The following USP46 variants were observed in gnomAD, a reference collection of about 807,000 sequenced individuals.
USP46 encodes the protein ubiquitin specific peptidase 46.
In USP46, 12 loss-of-function variants were observed where a neutral mutation model predicts 44.4. That is an observed-to-expected ratio of 0.27 (90% CI 0.17 to 0.44). The LOEUF is 0.44. Ranked by LOEUF, USP46 falls within the 20% of genes least tolerant of loss-of-function variation. The pLI is 1.00. For missense variants in USP46, 248 were observed against 444.8 expected, an observed-to-expected ratio of 0.56 and a Z score of 3.98; for synonymous variants, 155 against 161.5, an observed-to-expected ratio of 0.96 and a Z score of 0.31.
intron 1 of USP46, among the ~76,000 whole-genome samples, chr4:52,643,543 T>C (rs1020580421): frequency 3.3e-5 from 5 of 152,210 alleles, no homozygotes; most frequent in Non-Finnish European, 7.3e-5. Flanking sequence ...ACAGAAAAGC[T>C]TACCAACCCC....
Position 52,626,086 on chromosome 4 carries a change from G to C in USP46, c.493C>G (p.Leu165Val), listed in dbSNP as rs1382649056. Residue 165 changes from leucine to valine, a missense_variant, in exon 4 of 9, where the codon CTC becomes GTC. Transcript: ENST00000441222. ...TGAAAAATCTCATGGACCCAGGTGA[G>C]TTCTGGTTTATTATTTTCCGCAGGT... ...NEPAENNKPE[L>V]TWVHEIFQGT... The C allele has an allele frequency of 1.9e-6, 3 of 1,613,914 alleles. No homozygotes were observed. The highest frequency in any genetic ancestry group is 1.7e-6 in the Non-Finnish European group (2 of 1,179,868).
At chr4:52,634,974 A>G (rs1259368090) in intron 1 of USP46, among the ~76,000 whole-genome samples, 2 of 151,244 alleles carry the variant, frequency 1.3e-5, no homozygotes, top group African/African-American at 4.9e-5. Flanking sequence ...CACTTCAGCT[A>G]CCCCTCCCAT....
At chr4:52,600,063 T>C (rs1268700097) in intron 7 of USP46, among the ~76,000 whole-genome samples, 1 of 152,218 alleles carries the variant, frequency 6.6e-6, no homozygotes, top group East Asian at 1.9e-4. Flanking sequence ...CTGATAGCAC[T>C]GATCAAAATC....
At chr4:52,632,980 G>GAAAGAGAAAGA (rs1717940599) in intron 1 of USP46, among the ~76,000 whole-genome samples, 1 of 71,434 alleles carries the variant, frequency 1.4e-5, no homozygotes, top group Non-Finnish European at 2.7e-5. Context: ...AAGAAAGAAA[G>GAAAGAGAAAGA]AAAGAAAAGA....
chr4:52,602,280 T>C (rs1043812621), intron 6 of USP46, among the ~76,000 whole-genome samples: 1 of 152,220 alleles, frequency 6.6e-6, no homozygotes, highest in Non-Finnish European at 1.5e-5. Flanking sequence ...TGTCTGTTTG[T>C]TGGAAGGAGA....
intron 5 of USP46, among the ~76,000 whole-genome samples, chr4:52,605,152 A>C (rs1716638718): frequency 6.6e-6 from 1 of 152,218 alleles, no homozygotes; most frequent in Non-Finnish European, 1.5e-5. Flanking sequence ...CTCTTAGTGA[A>C]CTAAAGAAAT....
chr4:52,620,357 C>T (rs1208697598), intron 4 of USP46, among the ~76,000 whole-genome samples: 1 of 152,130 alleles, frequency 6.6e-6, no homozygotes, highest in African/African-American at 2.4e-5. Context: ...GGAACTGAAG[C>T]CCCCTTGTTC....
chr4:52,591,938 T>G lies in USP46; in HGVS notation c.*5702A>C, dbSNP rs951731059. 1 of 152,202 alleles carries G rather than the reference T, an allele frequency of 6.6e-6. No homozygotes were observed. The highest frequency in any genetic ancestry group is 2.4e-5 in the African/African-American group (1 of 41,456). The allele number at this position is 152,202 out of a possible 1,614,324, so 9.4% of individuals were successfully genotyped here. On this transcript the variant is annotated 3_prime_UTR_variant, in exon 9 of 9. Coordinates refer to ENST00000441222, the MANE Select transcript of USP46 (RefSeq NM_022832.4). ...AGAAGAGGCAAAACGTGAAGTTCAT[T>G]GTTGCAACATAATCGATTTATACTT...
chr4:52,632,904 GAGA>G (rs1717894820), intron 1 of USP46, among the ~76,000 whole-genome samples: 1 of 86,884 alleles, frequency 1.2e-5, no homozygotes, highest in African/African-American at 4.2e-5. Flanking sequence ...GGAAGGGAAA[GAGA>G]AAGAAAGAAA....
intron 4 of USP46, among the ~76,000 whole-genome samples, chr4:52,622,960 T>C (rs1717435141): frequency 6.6e-6 from 1 of 152,212 alleles, no homozygotes; most frequent in African/African-American, 2.4e-5. Flanking sequence ...TAAGAATTTG[T>C]AGGCAGTGGT....
chr4:52,653,495 C>CAAAAAAAA (rs397880678), intron 1 of USP46, among the ~76,000 whole-genome samples: 4 of 53,014 alleles, frequency 7.5e-5, no homozygotes, highest in Non-Finnish European at 1.1e-4. Context: ...AACTCTATCT[C>CAAAAAAAA]AAAAAAAAAA....
chr4:52,654,145 C>A (rs1434032195), intron 1 of USP46, among the ~76,000 whole-genome samples: 3 of 152,148 alleles, frequency 2.0e-5, no homozygotes, highest in Non-Finnish European at 4.4e-5. Flanking sequence ...CATATGAGAC[C>A]AGTGGGGCCA....
chr4:52,632,316 C>T (rs138803325), intron 1 of USP46, among the ~76,000 whole-genome samples: 20 of 152,238 alleles, frequency 1.3e-4, no homozygotes, highest in African/African-American at 4.6e-4. Context: ...CTCCCTAAGA[C>T]CTGAATGAGT....
chr4:52,656,956 C>G (rs1053709695), intron 1 of USP46, among the ~76,000 whole-genome samples: 2 of 146,740 alleles, frequency 1.4e-5, no homozygotes, highest in African/African-American at 5.1e-5. Context: ...GGGAGAATCA[C>G]TTGAGCCTGG....
At chr4:52,603,337 C>T (rs996558193) in intron 6 of USP46, among the ~76,000 whole-genome samples, 6 of 152,200 alleles carry the variant, frequency 3.9e-5, no homozygotes, top group African/African-American at 1.2e-4. Context: ...GAGGACTGCC[C>T]GCTAAGGTGA....
At chr4:52,629,660 C>A (rs1328331110) in intron 2 of USP46, 6 of 456,174 alleles carry the variant, frequency 1.3e-5, no homozygotes, top group Non-Finnish European at 2.6e-5. Flanking sequence ...TTCAGTAACG[C>A]TTGGCCCCAA....
intron 6 of USP46, among the ~76,000 whole-genome samples, chr4:52,603,351 ACCAT>A (rs1309058253): frequency 2.0e-5 from 3 of 152,218 alleles, no homozygotes; most frequent in Non-Finnish European, 4.4e-5. Flanking sequence ...AAGGTGACTA[ACCAT>A]CTGTAAGTTT....
intron 1 of USP46, chr4:52,651,212 A>G (rs1718759894): frequency 6.6e-6 from 1 of 152,250 alleles, no homozygotes; most frequent in Non-Finnish European, 1.5e-5. Flanking sequence ...TTCTTAAGCA[A>G]TATTTTTTAA....
chr4:52,602,161 A>T (rs1416740762), intron 6 of USP46, 107 bp from the exon 7 acceptor site: 1 of 1,249,826 alleles, frequency 8.0e-7, no homozygotes, highest in Non-Finnish European at 1.1e-6. Context: ...ATCCAACTTC[A>T]AACCAGCAAA....
Sources: allele counts gnomAD v4.1 joint callset (sites outside exome capture counted in the v4.1 genomes callset), GRCh38; gene constraint gnomAD v4.1.1; transcripts MANE v1.5; gene names NCBI Gene and HGNC (gene_info 2026-07-23, HGNC 2026-07-21).